The following ZFAND4 variants were observed in gnomAD, a reference collection of about 807,000 sequenced individuals.
ZFAND4 encodes zinc finger AN1-type containing 4, also known as AN1-type zinc finger protein 4.
In ZFAND4, 43 loss-of-function variants were observed where a neutral mutation model predicts 64.4. The observed-to-expected ratio is 0.67, with a 90% confidence interval of 0.52 to 0.86. The LOEUF (loss-of-function observed/expected upper bound fraction) is 0.86, where lower values mean the gene tolerates loss of function less well. ZFAND4 is among the 40% of genes least tolerant of loss of function. ZFAND4 has a pLI of 0.00. For synonymous variants in ZFAND4, 296 were observed against 305.7 expected (o/e 0.97, Z 0.33); for missense variants, 929 against 859.8 (o/e 1.08, Z -1.01).
chr10:45,626,871 T>G lies in ZFAND4; in HGVS notation c.952A>C (p.Lys318Gln), dbSNP rs758677327. 13 of 1,614,062 alleles carry G rather than the reference T, an allele frequency of 8.1e-6. No homozygotes were observed. The South Asian group carries it at 1.4e-4, about 18-fold the overall frequency. ...TTATTCTCCCAGCTATTATCTTCCTTAAGAAATTCACCAGTGATAGAAGAT... is the reference window on the plus strand; with the variant it reads ...TTATTCTCCCAGCTATTATCTTCCTGAAGAAATTCACCAGTGATAGAAGAT... ...YISSITGEFL[K>Q]EDNSWENNTL... The change falls in exon 7 of 10, where the codon AAG (lysine) becomes CAG (glutamine). Residue 318 changes from lysine (K) to glutamine (Q), a missense_variant. Physicochemically the swap from Lys to Gln is moderately conservative, Grantham distance 53 (BLOSUM62 1). Transcript: ENST00000344646.
At chr10:45,666,311 G>T (rs998310107) in intron 1 of ZFAND4, among the ~76,000 whole-genome samples, 2 of 152,060 alleles carry the variant, frequency 1.3e-5, no homozygotes, top group Admixed American at 6.6e-5. Flanking sequence ...TAATGATATT[G>T]TGCATCTTTT....
At chr10:45,624,524 G>A (rs377571060) in intron 8 of ZFAND4, 59 bp downstream of exon 8, 207 of 1,491,110 alleles carry the variant, frequency 1.4e-4, no homozygotes, top group African/African-American at 4.3e-4. Flanking sequence ...AAATTCAACC[G>A]GATGCATAAT....
intron 2 of ZFAND4, chr10:45,662,581 A>G: frequency 1.0e-6 from 1 of 985,330 alleles, no homozygotes; most frequent in Non-Finnish European, 1.2e-6. Context: ...AGATCTCACC[A>G]AATCATTTAG....
intron 8 of ZFAND4, 101 bp from the exon 9 acceptor site, chr10:45,618,361 C>T (rs1309201623): frequency 7.2e-7 from 1 of 1,385,398 alleles, no homozygotes; most frequent in African/African-American, 1.5e-5. Context: ...AAGTAAATAT[C>T]TATGCCATAA....
At chr10:45,627,418 C>A (rs537671031) in intron 6 of ZFAND4, among the ~76,000 whole-genome samples, 3 of 151,700 alleles carry the variant, frequency 2.0e-5, no homozygotes, top group African/African-American at 7.3e-5. Context: ...TATTTTAGAT[C>A]TCCAACAATT....
chr10:45,657,864 T>C (rs1414428733), intron 2 of ZFAND4, among the ~76,000 whole-genome samples: 1 of 152,176 alleles, frequency 6.6e-6, no homozygotes, highest in Non-Finnish European at 1.5e-5. Context: ...TTCATTTATA[T>C]AAAATTCTAA....
At position 45,615,682 on chromosome 10, in the gene ZFAND4, G is replaced by A. The variant is rs2133474928; in HGVS notation, c.*754C>T. Reference sequence around the variant, plus strand: ...CGAGCTGTGAGATTTTGTTTTAAATGTAGCCATATTTCAAAAGGTAAAAAG... The same window carrying A: ...CGAGCTGTGAGATTTTGTTTTAAATATAGCCATATTTCAAAAGGTAAAAAG... On this transcript the variant is annotated 3_prime_UTR_variant, in exon 10 of 10. Transcript: ENST00000344646. 6.6e-6 allele frequency: 1 copy of A among 152,118 alleles called. No homozygotes were observed. Among genetic ancestry groups the A allele is most frequent in the Non-Finnish European group, 1.5e-5 (1 of 67,992 alleles). 9.4% of individuals were successfully genotyped at this position (152,118 alleles called of 1,614,324 possible).
At position 45,626,917 on chromosome 10, in the gene ZFAND4, T is replaced by C. The variant is rs374065761; in HGVS notation, c.906A>G (p.Gln302=). The C allele has an allele frequency of 8.7e-6, 14 of 1,613,954 alleles. 2 individuals carry two copies. The Middle Eastern group carries it at 1.2e-3, about 133-fold the overall frequency. ...SRNGISSLAT[Q]LSAERYISSI... ...AAGATATGTATCTCTCAGCAGAGAG[T>C]TGAGTTGCCAAACTTGAAATTCCAT... is the stretch of plus-strand genomic sequence containing the variant. The change falls in exon 7 of 10, where the codon CAA becomes CAG. Residue 302 remains glutamine (Q), a synonymous_variant. Coordinates refer to ENST00000344646, the MANE Select transcript of ZFAND4 (RefSeq NM_174890.4).
rs1217479150 is a variant in ZFAND4, at chr10:45,619,061, A to G, written c.1928-801T>C. On this transcript the variant is annotated intron_variant, in intron 8 of 9. Transcript: ENST00000344646. ...ATTAAATCAATTTTTTTTTTTTTTG[A>G]GACATTTTGCTCTGTCGCCCAGGCT... Among the ~76,000 whole-genome samples the G allele has an allele frequency of 8.4e-4, 125 of 148,222 alleles. 1 individual carries two copies. The highest frequency in any genetic ancestry group is 2.9e-3 in the African/African-American group (119 of 40,392).
Position 45,635,195 on chromosome 10 carries a change from C to CAAAAAAAAAAAA in ZFAND4, c.717+4609_717+4620dup, listed in dbSNP as rs1173808756. ...CACAGAATAGTCAAAGCCATCTAAG[C>CAAAAAAAAAAAA]AAAAAAAAAAAAAAAAAACAAAAAA... On this transcript the variant is annotated intron_variant, in intron 6 of 9. Coordinates refer to ENST00000344646, the MANE Select transcript of ZFAND4 (RefSeq NM_174890.4). Among the ~76,000 whole-genome samples the CAAAAAAAAAAAA allele has an allele frequency of 4.6e-3, 126 of 27,458 alleles. 1 individual carries two copies. Among genetic ancestry groups the CAAAAAAAAAAAA allele is most frequent in the South Asian group, 6.1e-3 (3 of 492 alleles). The allele number at this position is 27,458 out of a possible 152,430, so 18.0% of individuals were successfully genotyped here.
intron 9 of ZFAND4, 113 bp from the exon 10 acceptor site, chr10:45,616,684 T>C: frequency 9.5e-7 from 1 of 1,053,788 alleles, no homozygotes; most frequent in Non-Finnish European, 1.4e-6. Context: ...TGGTTCTTTT[T>C]AGCAATTTCA....
At chr10:45,656,843 C>T (rs898973194) in intron 2 of ZFAND4, among the ~76,000 whole-genome samples, 8 of 151,816 alleles carry the variant, frequency 5.3e-5, no homozygotes, top group Non-Finnish European at 8.8e-5. Flanking sequence ...CTTTATCTAC[C>T]GTGAGAGGAT....
intron 2 of ZFAND4, among the ~76,000 whole-genome samples, chr10:45,657,340 G>C (rs540779310): frequency 2.6e-5 from 4 of 152,158 alleles, no homozygotes; most frequent in African/African-American, 9.6e-5. Flanking sequence ...CAGTCATTAG[G>C]AAAATGTAAA....
rs1485733514 is a variant in ZFAND4, at chr10:45,626,022, T to C, written c.1801A>G (p.Asn601Asp). Residue 601 changes from asparagine (N) to aspartate (D), a missense_variant, in exon 7 of 10, where the codon AAC (asparagine) becomes GAC (aspartate). By Grantham distance (23) the Asn-to-Asp change is conservative. Coordinates refer to ENST00000344646, the MANE Select transcript of ZFAND4 (RefSeq NM_174890.4). The stretch of plus-strand genomic sequence containing the variant: ...TTTTCTTCCTGAAAATGCTGGAGGT[T>C]TGTAGACAGCCCAGTTCCAGAGTTC... ...LQNSGTGLST[N>D]LQHFQEENFR... The C allele has an allele frequency of 6.2e-7, 1 of 1,614,180 alleles. No individual in the cohort carries two copies. Among genetic ancestry groups the C allele is most frequent in the Non-Finnish European group, 8.5e-7 (1 of 1,180,026 alleles).
At chr10:45,657,853 T>C (rs2048233937) in intron 2 of ZFAND4, among the ~76,000 whole-genome samples, 1 of 152,170 alleles carries the variant, frequency 6.6e-6, no homozygotes, top group Non-Finnish European at 1.5e-5. Context: ...AAGTATATGA[T>C]TTCATTTATA....
At chr10:45,633,011 T>C (rs2046327285) in intron 6 of ZFAND4, among the ~76,000 whole-genome samples, 1 of 152,114 alleles carries the variant, frequency 6.6e-6, no homozygotes, top group Non-Finnish European at 1.5e-5. Flanking sequence ...GGAAAGTCAG[T>C]GAATGTGATA....
chr10:45,617,123 T>A lies in ZFAND4; in HGVS notation c.2049-552A>T, dbSNP rs2045035142. On this transcript the variant is annotated intron_variant, in intron 9 of 9. Coordinates refer to ENST00000344646, the MANE Select transcript of ZFAND4 (RefSeq NM_174890.4). ...AAAAGAATGAAACAGGGTATAGAACTCTATCAGTAGTAAAACTGCAAAAAG... is the reference window on the plus strand; with the variant it reads ...AAAAGAATGAAACAGGGTATAGAACACTATCAGTAGTAAAACTGCAAAAAG... 2.0e-5 allele frequency among the ~76,000 whole-genome samples: 3 copies of A among 151,538 alleles called. No homozygotes were observed. In the South Asian group the frequency reaches 6.2e-4, roughly 32 times the overall value.
chr10:45,662,103 G>A (rs1359700720), intron 2 of ZFAND4, among the ~76,000 whole-genome samples: 1 of 152,184 alleles, frequency 6.6e-6, no homozygotes, highest in Non-Finnish European at 1.5e-5. Context: ...CCACCGGTCT[G>A]TGGTATTTTG....
rs200870749 is a variant in ZFAND4 at position 45,663,703 on chromosome 10, G to A, written c.23C>T (p.Pro8Leu). Residue 8 changes from proline (P) to leucine (L), a missense_variant, in exon 2 of 10, where the codon CCA becomes CTA. Pro to Leu is a moderately conservative substitution (Grantham distance 98). Transcript: ENST00000344646. The stretch of plus-strand genomic sequence containing the variant: ...TCCCATGTTATCATCATTGAAGAAT[G>A]GAGGCTCTTTTCTGTTATCCATTAC... MDNRKEPPFFNDDNMGPF... is the reference protein window; with the variant it reads MDNRKEPLFFNDDNMGPF... 129 of 1,600,826 alleles carry A rather than the reference G, an allele frequency of 8.1e-5. No individual in the cohort carries two copies. The highest frequency in any genetic ancestry group is 3.3e-4 in the Middle Eastern group (2 of 5,998).
Sources: gnomAD v4.1 joint callset for allele counts (sites outside exome capture counted in the v4.1 genomes callset) on GRCh38, gnomAD v4.1.1 for gene constraint, MANE v1.5 for transcripts, NCBI Gene and HGNC (gene_info 2026-07-23, HGNC 2026-07-21) for gene names.